EVA1A: variants seen among roughly 807,000 people sequenced by gnomAD.
EVA1A encodes eva-1 homolog A, regulator of programmed cell death, also known as protein eva-1 homolog A.
EVA1A carries 7 observed loss-of-function variants against 9.8 expected under a neutral mutation model. That is an observed-to-expected ratio of 0.71 (90% CI 0.41 to 1.34). The LOEUF (loss-of-function observed/expected upper bound fraction) is 1.34. Among genes scored for constraint, EVA1A ranks in the 40% most tolerant of loss-of-function variants. The pLI, the probability that EVA1A is intolerant of heterozygous loss-of-function variation, is 0.01. For missense variants in EVA1A, 206 were observed against 205.9 expected (o/e 1.00, Z 0.00); for synonymous variants, 90 against 85.6 (o/e 1.05, Z -0.28).
chr2:75,555,611 C>G (rs1042668825), intron 1 of EVA1A, among the ~76,000 whole-genome samples: 1 of 152,024 alleles, frequency 6.6e-6, no homozygotes, highest in African/African-American at 2.4e-5. Context: ...TTCCACTGCC[C>G]CAGGAGGAAA....
chr2:75,495,056 C>T (rs1391002062), intron 3 of EVA1A, among the ~76,000 whole-genome samples: 1 of 152,086 alleles, frequency 6.6e-6, no homozygotes, highest in Non-Finnish European at 1.5e-5. Context: ...GTACACCGTA[C>T]CCAATGTATG....
intron 2 of EVA1A, among the ~76,000 whole-genome samples, chr2:75,521,387 T>C (rs967371851): frequency 6.6e-5 from 10 of 152,216 alleles, no homozygotes; most frequent in African/African-American, 2.4e-4. Flanking sequence ...TGTACACCAA[T>C]GTTCAGAGCT....
At chr2:75,568,462 AT>A (rs1677067518) in intron 1 of EVA1A, among the ~76,000 whole-genome samples, 2 of 151,324 alleles carry the variant, frequency 1.3e-5, no homozygotes, top group Non-Finnish European at 2.9e-5. Flanking sequence ...CCTTTTTTTA[AT>A]TTTTATTTTA....
intron 2 of EVA1A, among the ~76,000 whole-genome samples, chr2:75,522,111 A>C (rs1272227759): frequency 6.6e-6 from 1 of 152,226 alleles, no homozygotes; most frequent in Admixed American, 6.5e-5. Context: ...TTAACAGGAA[A>C]AAGATCGTAT....
At chr2:75,510,543 T>C (rs1674774354) in intron 3 of EVA1A, among the ~76,000 whole-genome samples, 1 of 152,178 alleles carries the variant, frequency 6.6e-6, no homozygotes, top group African/African-American at 2.4e-5. Context: ...CTCATACCAA[T>C]GTCATGGGAA....
intron 2 of EVA1A, chr2:75,518,751 C>T (rs377564658): frequency 5.1e-6 from 5 of 986,440 alleles, no homozygotes; most frequent in Non-Finnish European, 6.0e-6. Context: ...AGCCACAGCC[C>T]TCTCCTCTCC....
intron 1 of EVA1A, among the ~76,000 whole-genome samples, chr2:75,535,943 T>TA (rs941105849): frequency 2.6e-5 from 4 of 152,130 alleles, no homozygotes; most frequent in South Asian, 2.1e-4. Flanking sequence ...AAAATGTTTT[T>TA]AAAAAAAACC....
intron 1 of EVA1A, among the ~76,000 whole-genome samples, chr2:75,529,387 G>C (rs1473419267): frequency 6.6e-6 from 1 of 152,042 alleles, no homozygotes; most frequent in Non-Finnish European, 1.5e-5. Flanking sequence ...CTATACCCTA[G>C]AACAAAGGAA....
intron 1 of EVA1A, among the ~76,000 whole-genome samples, chr2:75,535,284 C>A: frequency 3.5e-5 from 3 of 84,938 alleles, no homozygotes; most frequent in South Asian, 3.3e-4. Flanking sequence ...CAATAGATGG[C>A]ATAGATATGG....
chr2:75,560,021 G>T (rs1262682419), intron 1 of EVA1A, among the ~76,000 whole-genome samples: 1 of 152,148 alleles, frequency 6.6e-6, no homozygotes, highest in East Asian at 1.9e-4. Flanking sequence ...CGTACTGCGT[G>T]CCAACACCTC....
At chr2:75,562,422 C>T (rs1385122006), upstream of EVA1A, among the ~76,000 whole-genome samples, 2 of 152,144 alleles carry the variant, frequency 1.3e-5, no homozygotes, top group African/African-American at 4.8e-5. Flanking sequence ...TTCATTTTAC[C>T]TTGAAATGCT....
chr2:75,502,248 A>T (rs1674455758), intron 3 of EVA1A, among the ~76,000 whole-genome samples: 1 of 152,210 alleles, frequency 6.6e-6, no homozygotes, highest in South Asian at 2.1e-4. Flanking sequence ...TCCTCCCTGG[A>T]GTATGAATCT....
Position 75,558,860 on chromosome 2 carries a change from C to T in EVA1A, c.-192+1820G>A, listed in dbSNP as rs532494932. On this transcript the variant is annotated intron_variant, in intron 1 of 3. Coordinates refer to ENST00000393913, the MANE Select transcript of EVA1A (RefSeq NM_001135032.2). ...AAACTTTAACATGCAGAGGAATTAC[C>T]TTCAGTGCTTGTAAAACACCTGCAG... 2.6e-5 allele frequency among the ~76,000 whole-genome samples: 4 copies of T among 152,292 alleles called. No homozygotes were observed. In the South Asian group the frequency reaches 8.3e-4, roughly 32 times the overall value.
chr2:75,493,058 C>G lies in EVA1A; in HGVS notation c.*178G>C, dbSNP rs1024409752. ...GTGATGAACTGCTTTGATTTTTCTA[C>G]TTCTCCATACATTTGGCCAAAAAGG... On this transcript the variant is annotated 3_prime_UTR_variant, in exon 4 of 4. Transcript: ENST00000393913. The G allele has an allele frequency of 5.9e-6, 5 of 854,362 alleles. No homozygotes were observed. Among genetic ancestry groups the G allele is most frequent in the African/African-American group, 5.1e-5 (3 of 59,014 alleles). The allele number at this position is 854,362 out of a possible 1,614,324, so 52.9% of individuals were successfully genotyped here. A position where few individuals can be genotyped will look rare whatever the true frequency, so the allele number is the denominator to read the frequency against.
intron 1 of EVA1A, among the ~76,000 whole-genome samples, chr2:75,538,567 T>C (rs543465620): frequency 5.3e-5 from 8 of 152,298 alleles, no homozygotes; most frequent in African/African-American, 1.9e-4. Flanking sequence ...GTATTTGCAA[T>C]AGCCCAAAAC....
At chr2:75,559,741 TA>T (rs1464294912) in intron 1 of EVA1A, among the ~76,000 whole-genome samples, 1 of 147,748 alleles carries the variant, frequency 6.8e-6, no homozygotes, top group Non-Finnish European at 1.5e-5. Flanking sequence ...TTGCTCAGAC[TA>T]AAAAGAAGAA....
At chr2:75,543,391 C>T (rs1327828996) in intron 1 of EVA1A, among the ~76,000 whole-genome samples, 1 of 152,180 alleles carries the variant, frequency 6.6e-6, no homozygotes, top group Admixed American at 6.5e-5. Context: ...AGGAGTATTC[C>T]TGGTCATCTG....
At chr2:75,504,050 AT>A (rs1275824555) in intron 3 of EVA1A, among the ~76,000 whole-genome samples, 2 of 152,198 alleles carry the variant, frequency 1.3e-5, no homozygotes, top group African/African-American at 4.8e-5. Flanking sequence ...ATTAAAGAGA[AT>A]CACGGGGTTT....
intron 1 of EVA1A, among the ~76,000 whole-genome samples, chr2:75,550,551 A>T (rs1256936736): frequency 6.6e-6 from 1 of 152,226 alleles, no homozygotes; most frequent in Non-Finnish European, 1.5e-5. Flanking sequence ...AGGCAAATTG[A>T]GTGGGTGATA....
Sources: allele counts gnomAD v4.1 joint callset (sites outside exome capture counted in the v4.1 genomes callset), GRCh38; gene constraint gnomAD v4.1.1; transcripts MANE v1.5; gene names NCBI Gene and HGNC (gene_info 2026-07-23, HGNC 2026-07-21).